The following CEP120 variants were observed in gnomAD, a reference collection of about 807,000 sequenced individuals.
CEP120 encodes the protein centrosomal protein of 120 kDa.
CEP120 carries 113 observed loss-of-function variants against 126.5 expected under a neutral mutation model. That is an observed-to-expected ratio of 0.89 (90% CI 0.77 to 1.04). The LOEUF (loss-of-function observed/expected upper bound fraction) is 1.04, where lower values mean the gene tolerates loss of function less well. CEP120 is among the 50% of genes least tolerant of loss of function. CEP120 has a pLI of 0.00. For missense variants in CEP120, 1,230 were observed against 1,155.7 expected, an observed-to-expected ratio of 1.06 and a Z score of -0.93; for synonymous variants, 400 against 394.3, an observed-to-expected ratio of 1.01 and a Z score of -0.17.
chr5:123,354,855 T>C (rs1263715544), intron 18 of CEP120, among the ~76,000 whole-genome samples: 3 of 152,096 alleles, frequency 2.0e-5, no homozygotes, highest in Non-Finnish European at 4.4e-5. Flanking sequence ...TATATATGTA[T>C]ACATGTGCCA....
chr5:123,423,182 G>A lies in CEP120; in HGVS notation c.-184C>T, dbSNP rs975387519. 1 of 609,984 alleles carries A rather than the reference G, an allele frequency of 1.6e-6. No individual in the cohort carries two copies. The allele number at this position is 609,984 out of a possible 1,614,324, so 37.8% of individuals were successfully genotyped here. ...CAGCGCGCCCGGCTCCTCTGCCTCGGGCCGCCAGCCCAGATCCTAACTGTG... is the reference window on the plus strand; with the variant it reads ...CAGCGCGCCCGGCTCCTCTGCCTCGAGCCGCCAGCCCAGATCCTAACTGTG... On this transcript the variant is annotated 5_prime_UTR_variant, in exon 1 of 20. Transcript: ENST00000306467.
intron 10 of CEP120, 97 bp from the exon 11 acceptor site, chr5:123,385,230 G>A (rs1771938306): frequency 3.3e-6 from 3 of 910,330 alleles, no homozygotes; most frequent in Non-Finnish European, 4.8e-6. Flanking sequence ...AGTCAAAGAT[G>A]TTTTTTGTTA....
intron 18 of CEP120, among the ~76,000 whole-genome samples, chr5:123,352,721 T>C (rs1021483042): frequency 6.6e-6 from 1 of 152,052 alleles, no homozygotes; most frequent in African/African-American, 2.4e-5. Flanking sequence ...AAAAACCTGC[T>C]GAGATTTTAT....
intron 19 of CEP120, 61 bp downstream of exon 19, chr5:123,349,883 A>C: frequency 7.0e-7 from 1 of 1,418,612 alleles, no homozygotes; most frequent in Admixed American, 1.9e-5. Flanking sequence ...GGGAGACCTC[A>C]AGTTGTACCT....
At chr5:123,370,702 T>C (rs1193692893) in intron 17 of CEP120, among the ~76,000 whole-genome samples, 1 of 135,266 alleles carries the variant, frequency 7.4e-6, no homozygotes, top group African/African-American at 2.7e-5. Flanking sequence ...TATATACACA[T>C]ATATACCTAT....
chr5:123,378,228 A>C, intron 15 of CEP120, 108 bp downstream of exon 15: 1 of 720,832 alleles, frequency 1.4e-6, no homozygotes, highest in Non-Finnish European at 2.2e-6. Flanking sequence ...GCCCATCCTG[A>C]GTCCCTTCTC....
At chr5:123,379,454 C>T (rs541107903) in intron 14 of CEP120, among the ~76,000 whole-genome samples, 26 of 152,090 alleles carry the variant, frequency 1.7e-4, no homozygotes, top group African/African-American at 6.0e-4. Context: ...GATATTTCTA[C>T]CGTTCTCAAC....
chr5:123,405,266 A>G (rs899150562), intron 4 of CEP120, among the ~76,000 whole-genome samples: 32 of 7,780 alleles, frequency 4.1e-3, no homozygotes, highest in Admixed American at 0.039. Context: ...AGCCTGAGAG[A>G]TAAAAACTCC....
chr5:123,364,442 T>C, intron 18 of CEP120, 54 bp downstream of exon 18: 3 of 1,203,734 alleles, frequency 2.5e-6, no homozygotes, highest in East Asian at 2.4e-5. Context: ...ACATACGAAT[T>C]TGCAAAGAAA....
Position 123,391,120 on chromosome 5 carries a change from A to G in CEP120, c.1028T>C (p.Ile343Thr). Residue 343 changes from isoleucine to threonine, a missense_variant, in exon 7 of 20, where the codon ATA becomes ACA. Physicochemically the swap from Ile to Thr is moderately conservative, Grantham distance 89 (BLOSUM62 -1). Coordinates refer to ENST00000306467, the MANE Select transcript of CEP120 (RefSeq NM_001375405.1). ...GVSVALQREG[I>T]DSQSLIELKT... ...AGGGCCACTACTTGCCTGGGAGTCT[A>G]TGCCTTCTCTCTGCAGAGCCACAGA... is the stretch of plus-strand genomic sequence containing the variant. 2 of 1,613,248 alleles carry G rather than the reference A, an allele frequency of 1.2e-6. No homozygotes were observed. The highest frequency in any genetic ancestry group is 1.7e-6 in the Non-Finnish European group (2 of 1,179,396).
At chr5:123,417,048 G>A (rs1254708897) in intron 2 of CEP120, among the ~76,000 whole-genome samples, 1 of 152,066 alleles carries the variant, frequency 6.6e-6, no homozygotes, top group Non-Finnish European at 1.5e-5. Flanking sequence ...AGTTATTATA[G>A]AACTGCACTT....
chr5:123,415,079 G>T (rs574808464), intron 3 of CEP120, among the ~76,000 whole-genome samples: 1 of 151,604 alleles, frequency 6.6e-6, no homozygotes, highest in Non-Finnish European at 1.5e-5. Flanking sequence ...TTTCTCTTGG[G>T]AGTAGGGGGG....
intron 4 of CEP120, chr5:123,402,020 C>T: frequency 1.2e-6 from 2 of 1,607,046 alleles, no homozygotes; most frequent in Admixed American, 1.7e-5. Context: ...GGAACCGTAC[C>T]TTGTCTATGA....
rs191489761 is a variant in CEP120 at position 123,404,466 on chromosome 5, G to C, written c.464-5182C>G. Among the ~76,000 whole-genome samples the C allele has an allele frequency of 1.2e-3, 177 of 152,280 alleles. 2 individuals carry two copies. The highest frequency in any genetic ancestry group is 3.9e-3 in the African/African-American group (162 of 41,548). On this transcript the variant is annotated intron_variant, in intron 4 of 19. Transcript: ENST00000306467. ...TCGGCACAGAAGAGTATGATTGTAT[G>C]ACTGATGCCTGGTAAATAAATAGTA... is the stretch of plus-strand genomic sequence containing the variant.
intron 11 of CEP120, among the ~76,000 whole-genome samples, chr5:123,384,688 A>G (rs1171582641): frequency 6.6e-6 from 1 of 152,196 alleles, no homozygotes; most frequent in African/African-American, 2.4e-5. Flanking sequence ...GAGGAAGGAA[A>G]ATAATTAGCC....
chr5:123,390,113 C>A lies in CEP120; in HGVS notation c.1066G>T (p.Glu356Ter). ...TTCTTTGAATGCTCTGGCTCATGTT[C>A]ATTCTGGGTCTTTAATTCAATTAAA... ...QSLIELKTQN[E>*]HEPEHSKKKV... The change falls in exon 8 of 20, where the codon GAA becomes TAA. Residue 356 changes from glutamate to a stop codon, truncating the protein, a stop_gained. Transcript: ENST00000306467. LOFTEE classifies it high-confidence loss of function. The A allele has an allele frequency of 1.2e-6, 2 of 1,612,318 alleles. No homozygotes were observed. Among genetic ancestry groups the A allele is most frequent in the South Asian group, 1.1e-5 (1 of 90,542 alleles).
intron 17 of CEP120, among the ~76,000 whole-genome samples, chr5:123,368,300 G>A (rs952507494): frequency 6.6e-6 from 1 of 151,910 alleles, no homozygotes; most frequent in African/African-American, 2.4e-5. Flanking sequence ...TAAAATGGAA[G>A]TACTCTTAGA....
intron 4 of CEP120, chr5:123,403,119 G>A (rs565094275): frequency 5.4e-5 from 19 of 352,694 alleles, no homozygotes; most frequent in African/African-American, 3.2e-4. Context: ...ATGTGTGTAT[G>A]TATTTATATG....
At chr5:123,405,463 A>T (rs1391202712) in intron 4 of CEP120, among the ~76,000 whole-genome samples, 1 of 152,202 alleles carries the variant, frequency 6.6e-6, no homozygotes, top group Non-Finnish European at 1.5e-5. Flanking sequence ...CCTCGGAGAA[A>T]CTATTTGCCA....
Sources: allele counts gnomAD v4.1 joint callset (sites outside exome capture counted in the v4.1 genomes callset), GRCh38; gene constraint gnomAD v4.1.1; transcripts MANE v1.5; gene names NCBI Gene and HGNC (gene_info 2026-07-23, HGNC 2026-07-21).